The following STX2 variants were observed in gnomAD, a reference collection of about 807,000 sequenced individuals.
STX2 encodes syntaxin 2.
Under a neutral mutation model 40.6 loss-of-function variants are expected in STX2, and 27 were observed. The observed-to-expected ratio is 0.66, with a 90% CI of 0.49 to 0.92. STX2 has a LOEUF of 0.92. Ranked by LOEUF, STX2 falls within the 40% of genes least tolerant of loss-of-function variation. The pLI, the probability that STX2 is intolerant of heterozygous loss-of-function variation, is 0.00. For missense variants in STX2, 328 were observed against 366.1 expected (o/e 0.90, Z 0.85); for synonymous variants, 123 against 119.1 (o/e 1.03, Z -0.22).
At chr12:130,810,457 A>G (rs1488560583) in intron 4 of STX2, 1 of 152,234 alleles carries the variant, frequency 6.6e-6, no homozygotes, top group East Asian at 1.9e-4. Context: ...CAGCATGCTG[A>G]CCTCGGTGTC....
At chr12:130,828,729 G>A (rs902191634) in intron 1 of STX2, among the ~76,000 whole-genome samples, 8 of 151,656 alleles carry the variant, frequency 5.3e-5, no homozygotes, top group Admixed American at 1.3e-4. Flanking sequence ...TTAGCCGGGC[G>A]CAGTAGTGGG....
At chr12:130,798,328 C>A in intron 9 of STX2, 197 bp downstream of exon 9, 1 of 407,666 alleles carries the variant, frequency 2.5e-6, no homozygotes, top group Non-Finnish European at 4.2e-6. Context: ...ACTTAGAACA[C>A]AAAAGATGAA....
Position 130,798,643 on chromosome 12 carries a change from C to T in STX2, c.676-8G>A. 1 of 1,572,504 alleles carries T rather than the reference C, an allele frequency of 6.4e-7. No homozygotes were observed. Among genetic ancestry groups the T allele is most frequent in the Non-Finnish European group, 8.6e-7 (1 of 1,164,468 alleles). ...GTTGTTGATCATTTCACCCTTAAAA[C>T]AAAAAGTTTCAAACTTAGAAGACAT... On this transcript the variant is annotated splice_polypyrimidine_tract_variant and splice_region_variant and intron_variant, in intron 8 of 10. Transcript: ENST00000392373.
intron 2 of STX2, among the ~76,000 whole-genome samples, chr12:130,824,988 A>G (rs1416032646): frequency 6.6e-6 from 1 of 152,084 alleles, no homozygotes; most frequent in Non-Finnish European, 1.5e-5. Context: ...CCAGATAGAC[A>G]AAGACCACAG....
At chr12:130,825,122 C>T (rs147211426) in intron 2 of STX2, among the ~76,000 whole-genome samples, 9 of 152,030 alleles carry the variant, frequency 5.9e-5, no homozygotes, top group African/African-American at 2.2e-4. Context: ...CTGCAACCTC[C>T]GCCTCCCAGG....
chr12:130,818,109 C>T (rs1951930912), intron 3 of STX2, among the ~76,000 whole-genome samples: 1 of 145,560 alleles, frequency 6.9e-6, no homozygotes, highest in African/African-American at 2.6e-5. Flanking sequence ...CGTGAGCTGT[C>T]CCCATGCCCT....
rs149380271 is a variant in STX2, at chr12:130,811,730, G to A, written c.280+1227C>T. On this transcript the variant is annotated intron_variant, in intron 4 of 10. Coordinates refer to ENST00000392373, the MANE Select transcript of STX2 (RefSeq NM_194356.4). ...AATTTTTTGTATTTTTAGTAGAGAC[G>A]GGGTTTCACCGTGTTAGCCAGGATA... 8.9e-3 allele frequency among the ~76,000 whole-genome samples: 1,353 copies of A among 151,870 alleles called. 16 individuals are homozygous for A. The highest frequency in any genetic ancestry group is 0.031 in the African/African-American group (1,292 of 41,400).
At chr12:130,800,325 G>A (rs920966682) in intron 8 of STX2, among the ~76,000 whole-genome samples, 12 of 149,124 alleles carry the variant, frequency 8.0e-5, no homozygotes, top group African/African-American at 3.0e-4. Context: ...TTTGGAGACA[G>A]GGTCTCACTC....
chr12:130,793,851 C>T (rs1304665578), intron 10 of STX2, among the ~76,000 whole-genome samples: 1 of 152,230 alleles, frequency 6.6e-6, no homozygotes, highest in African/African-American at 2.4e-5. Flanking sequence ...AAGTTAAGGA[C>T]ATTAACCACT....
intron 2 of STX2, among the ~76,000 whole-genome samples, chr12:130,825,424 A>C (rs926369882): frequency 7.9e-5 from 12 of 152,240 alleles, no homozygotes; most frequent in African/African-American, 2.4e-4. Flanking sequence ...ACTTACATGG[A>C]AGAGTTAAGC....
intron 6 of STX2, among the ~76,000 whole-genome samples, chr12:130,804,144 G>A (rs1407412358): frequency 6.6e-6 from 1 of 152,262 alleles, no homozygotes; most frequent in Non-Finnish European, 1.5e-5. Flanking sequence ...AACATGCCCT[G>A]GTCCAAGAAG....
At chr12:130,802,139 G>A (rs1413555891) in intron 6 of STX2, among the ~76,000 whole-genome samples, 3 of 152,216 alleles carry the variant, frequency 2.0e-5, no homozygotes, top group Non-Finnish European at 4.4e-5. Context: ...GGAGCTAACT[G>A]CGGTCTAGCT....
chr12:130,819,097 G>A (rs1337843700), intron 3 of STX2, among the ~76,000 whole-genome samples: 1 of 152,206 alleles, frequency 6.6e-6, no homozygotes, highest in Non-Finnish European at 1.5e-5. Flanking sequence ...GTGGCGCGGC[G>A]CGGGCGGTGC....
chr12:130,827,657 T>G (rs551198630), intron 1 of STX2, among the ~76,000 whole-genome samples: 84 of 152,378 alleles, frequency 5.5e-4, no homozygotes, highest in African/African-American at 1.9e-3. Context: ...CTCACGCCTG[T>G]AATCCCAGCA....
Position 130,790,577 on chromosome 12 carries a change from A to G in STX2, c.*1446T>C, listed in dbSNP as rs1173096982. 1 of 152,232 alleles carries G rather than the reference A, an allele frequency of 6.6e-6. No individual in the cohort carries two copies. Among genetic ancestry groups the G allele is most frequent in the East Asian group, 1.9e-4 (1 of 5,200 alleles). 9.4% of individuals were successfully genotyped at this position (152,232 alleles called of 1,614,324 possible). On this transcript the variant is annotated 3_prime_UTR_variant, in exon 11 of 11. Coordinates refer to ENST00000392373, the MANE Select transcript of STX2 (RefSeq NM_194356.4). ...GTTTAATTATCATGAATCCCTATAC[A>G]TTTTGGAAATTAACTTTTAAAAGTT... is the stretch of plus-strand genomic sequence containing the variant.
At chr12:130,802,988 C>A (rs1473212081) in intron 6 of STX2, among the ~76,000 whole-genome samples, 1 of 152,130 alleles carries the variant, frequency 6.6e-6, no homozygotes, top group African/African-American at 2.4e-5. Flanking sequence ...TGTGAAGTTT[C>A]TTTTTGGGTT....
In STX2 at chr12:130,790,334, C is replaced by G. The variant is rs1950846066; in HGVS notation, c.*1689G>C. 1 of 152,194 alleles carries G rather than the reference C, an allele frequency of 6.6e-6. No individual in the cohort carries two copies. The highest frequency in any genetic ancestry group is 6.5e-5 in the Admixed American group (1 of 15,280). The allele number at this position is 152,194 out of a possible 1,614,324, so 9.4% of individuals were successfully genotyped here. On this transcript the variant is annotated 3_prime_UTR_variant, in exon 11 of 11. Transcript: ENST00000392373. ...TCCACACCTGTTTGGAATCAGGCAT[C>G]TCTACATTAGTTTCAAACCAAATGG...
chr12:130,806,875 T>C, intron 6 of STX2, 107 bp downstream of exon 6: 2 of 1,040,364 alleles, frequency 1.9e-6, no homozygotes, highest in Non-Finnish European at 2.9e-6. Flanking sequence ...TTTACACTAT[T>C]GGTGAAAATA....
At chr12:130,824,127 C>T (rs369805442) in intron 2 of STX2, among the ~76,000 whole-genome samples, 29 of 147,786 alleles carry the variant, frequency 2.0e-4, no homozygotes, top group African/African-American at 6.8e-4. Flanking sequence ...CAGTGGCTCA[C>T]CCCTGTAATC....
Sources: allele counts gnomAD v4.1 joint callset (sites outside exome capture counted in the v4.1 genomes callset), GRCh38; gene constraint gnomAD v4.1.1; transcripts MANE v1.5; gene names NCBI Gene and HGNC (gene_info 2026-07-23, HGNC 2026-07-21).